VCL: variants seen among roughly 807,000 people sequenced by gnomAD.
VCL encodes the protein vinculin.
A neutral mutation model predicts 125.7 loss-of-function variants in VCL; 47 were observed. The ratio of observed to expected loss-of-function variants is 0.37; its 90% CI spans 0.30 to 0.48. VCL has a LOEUF of 0.48. Ranked by LOEUF, VCL falls within the 20% of genes least tolerant of loss-of-function variation. The probability of loss-of-function intolerance (pLI) is 0.99; values close to 1 mark genes in which losing one functional copy is unlikely to be tolerated. For synonymous variants in VCL, 458 were observed against 514.6 expected (o/e 0.89, Z 1.49); for missense variants, 1,069 against 1,455.5 (o/e 0.73, Z 4.32).
At chr10:74,069,914 A>G (rs1841636967) in intron 2 of VCL, among the ~76,000 whole-genome samples, 1 of 152,182 alleles carries the variant, frequency 6.6e-6, no homozygotes, top group South Asian at 2.1e-4. Flanking sequence ...GGTTACTTAT[A>G]TTAATATTAA....
chr10:74,069,718 G>T (rs187768298), intron 2 of VCL, among the ~76,000 whole-genome samples: 1 of 152,304 alleles, frequency 6.6e-6, no homozygotes, highest in East Asian at 1.9e-4. Context: ...TTGAATATGA[G>T]ACTAGAGGAG....
At position 74,105,056 on chromosome 10, in the gene VCL, G is replaced by A. The variant is rs374737519; in HGVS notation, c.2137G>A (p.Val713Met). Reference sequence around the variant, plus strand: ...CATTTCTGTTTTCCTAACAGGGCTGGTGGACGAAGCCATTGATACCAAATC... The same window carrying A: ...CATTTCTGTTTTCCTAACAGGGCTGATGGACGAAGCCATTGATACCAAATC... ...IDNVEKMTGLVDEAIDTKSLL... is the reference protein window; with the variant it reads ...IDNVEKMTGLMDEAIDTKSLL... Residue 713 changes from valine (V) to methionine (M), a missense_variant, in exon 16 of 22, where the codon GTG (valine) becomes ATG (methionine). Val to Met is a conservative substitution (Grantham distance 21). Transcript: ENST00000211998. 6.2e-7 allele frequency: 1 copy of A among 1,614,176 alleles called. No homozygotes were observed. Among genetic ancestry groups the A allele is most frequent in the Non-Finnish European group, 8.5e-7 (1 of 1,180,020 alleles).
intron 21 of VCL, among the ~76,000 whole-genome samples, chr10:74,117,651 C>T (rs1045116236): frequency 6.6e-6 from 1 of 152,030 alleles, no homozygotes; most frequent in African/African-American, 2.4e-5. Context: ...GACCCCATCT[C>T]AAAAAAAGAA....
In VCL at chr10:74,089,280, T is replaced by C; in HGVS notation, c.1107T>C (p.Asn369=). The change falls in exon 9 of 22, where the codon AAT becomes AAC. Residue 369 remains asparagine, a synonymous_variant. Transcript: ENST00000211998. ...ATGTGCTCACAGCAAAAGTGGAAAA[T>C]GCAGCTCGCAAGCTGGAAGCCATGA... ...GLDVLTAKVE[N]AARKLEAMTN... The C allele has an allele frequency of 6.2e-7, 1 of 1,614,058 alleles. No individual in the cohort carries two copies. The highest frequency in any genetic ancestry group is 1.1e-5 in the South Asian group (1 of 91,072).
chr10:73,998,517 C>A (rs1840160711), intron 1 of VCL, 142 bp downstream of exon 1: 1 of 828,156 alleles, frequency 1.2e-6, no homozygotes, highest in Non-Finnish European at 1.6e-6. Context: ...GTTCGAATGG[C>A]CTCTTCTCCG....
chr10:74,115,029 CTG>C (rs1415508873), intron 21 of VCL, 130 bp downstream of exon 21: 1 of 930,602 alleles, frequency 1.1e-6, no homozygotes, highest in Non-Finnish European at 1.7e-6. Flanking sequence ...TGCACTCAGA[CTG>C]TCTCAGGAGG....
In VCL at chr10:74,094,273, G is replaced by T. The variant is rs755499383; in HGVS notation, c.1355G>T (p.Gly452Val). The change falls in exon 11 of 22, where the codon GGG becomes GTG. Residue 452 changes from glycine to valine, a missense_variant and splice_region_variant. Coordinates refer to ENST00000211998, the MANE Select transcript of VCL (RefSeq NM_014000.3). ...TSKLADLRRQ[G>V]KGDSPEARAL... is the part of the protein sequence containing the mutation. ...GATGGCTGTCTTTTTCTCTGTAGGG[G>T]GAAAGGAGATTCTCCAGAGGCTCGA... The T allele has an allele frequency of 6.2e-7, 1 of 1,614,096 alleles. No homozygotes were observed. Among genetic ancestry groups the T allele is most frequent in the South Asian group, 1.1e-5 (1 of 91,078 alleles).
At chr10:74,102,700 A>G (rs1390350668) in intron 14 of VCL, among the ~76,000 whole-genome samples, 1 of 152,222 alleles carries the variant, frequency 6.6e-6, no homozygotes, top group Non-Finnish European at 1.5e-5. Flanking sequence ...CATAAGCTAC[A>G]AACATGTCTA....
chr10:74,051,957 C>T (rs1000111573), intron 2 of VCL, among the ~76,000 whole-genome samples: 2 of 152,124 alleles, frequency 1.3e-5, no homozygotes, highest in African/African-American at 2.4e-5. Flanking sequence ...CTAGAGGCAG[C>T]GTGCCCAGAG....
intron 14 of VCL, 37 bp downstream of exon 14, chr10:74,101,134 A>G (rs1440089694): frequency 6.2e-7 from 1 of 1,603,674 alleles, no homozygotes; most frequent in African/African-American, 1.3e-5. Flanking sequence ...GTGTTCAGTA[A>G]AGAAAGTTAA....
chr10:74,108,150 G>A (rs1297351161), intron 17 of VCL, among the ~76,000 whole-genome samples: 4 of 152,184 alleles, frequency 2.6e-5, no homozygotes, highest in Non-Finnish European at 5.9e-5. Flanking sequence ...AGCCTTCAAC[G>A]CATCTTAGAT....
chr10:74,090,309 C>T (rs1040612956), intron 10 of VCL, 111 bp downstream of exon 10: 1 of 1,267,158 alleles, frequency 7.9e-7, no homozygotes, highest in African/African-American at 1.5e-5. Flanking sequence ...TTTCAATTCC[C>T]CTAGGTTAAA....
intron 2 of VCL, among the ~76,000 whole-genome samples, chr10:74,047,170 G>A (rs1204872421): frequency 2.0e-5 from 3 of 152,146 alleles, no homozygotes; most frequent in Admixed American, 6.6e-5. Context: ...GGTGGCTCAC[G>A]CCTGTAATCC....
chr10:74,025,298 T>A (rs1028637766), intron 1 of VCL, among the ~76,000 whole-genome samples: 2 of 152,042 alleles, frequency 1.3e-5, no homozygotes, highest in Non-Finnish European at 2.9e-5. Flanking sequence ...AATACAGGCG[T>A]AGCCATGGTG....
rs557043423 is a variant in VCL at position 74,077,612 on chromosome 10, C to A, written c.783+2709C>A. The A allele has an allele frequency of 1.8e-3, 696 of 376,724 alleles. 1 individual carries two copies. The highest frequency in any genetic ancestry group is 2.9e-3 in the Admixed American group (94 of 31,966). 23.3% of individuals were successfully genotyped at this position (376,724 alleles called of 1,614,324 possible). On this transcript the variant is annotated intron_variant, in intron 6 of 21. Coordinates refer to ENST00000211998, the MANE Select transcript of VCL (RefSeq NM_014000.3). Reference sequence around the variant, plus strand: ...TGCTGGGTTCCCATTCTGTTTAATGCATACAGTGTCTTTCACCTCTTCTCG... The same window carrying A: ...TGCTGGGTTCCCATTCTGTTTAATGAATACAGTGTCTTTCACCTCTTCTCG...
Position 74,112,051 on chromosome 10 carries a change from A to G in VCL, c.2888A>G (p.Asn963Ser). Reference protein sequence around the residue: ...LLLMPSNQPVNQPILAAAQSL... With the variant: ...LLLMPSNQPVSQPILAAAQSL... ...TTAATGCCATCCAATCAGCCGGTCA[A>G]CCAGCCCATTCTGGCCGCGGCTCAG... Residue 963 changes from asparagine to serine, a missense_variant, in exon 19 of 22, where the codon AAC becomes AGC. Physicochemically the swap from Asn to Ser is conservative, Grantham distance 46. This residue lies in a region of VCL where 86 missense variants were observed against 91.0 expected (regional missense o/e 0.95). Transcript: ENST00000211998. 1 of 1,614,192 alleles carries G rather than the reference A, an allele frequency of 6.2e-7. No individual in the cohort carries two copies. The highest frequency in any genetic ancestry group is 1.1e-5 in the South Asian group (1 of 91,088).
intron 1 of VCL, among the ~76,000 whole-genome samples, chr10:74,037,571 T>C (rs1027757225): frequency 3.3e-5 from 5 of 152,206 alleles, no homozygotes; most frequent in African/African-American, 2.4e-5. Context: ...GCATACAAAG[T>C]CCTGAACTAA....
In VCL at chr10:74,089,214, G is replaced by A. The variant is rs373079313; in HGVS notation, c.1041G>A (p.Pro347=). The A allele has an allele frequency of 5.0e-6, 8 of 1,614,018 alleles. No individual in the cohort carries two copies. The highest frequency in any genetic ancestry group is 2.2e-5 in the East Asian group (1 of 44,878). Reference sequence around the variant, plus strand: ...TGAGCAGAGGACAAGGATCCTCACCGGTGGCCATGCAGAAAGCTCAGCAGG... The same window carrying A: ...TGAGCAGAGGACAAGGATCCTCACCAGTGGCCATGCAGAAAGCTCAGCAGG... The part of the protein sequence containing the change: ...DLRARGQGSS[P]VAMQKAQQVS... The change falls in exon 9 of 22, where the codon CCG becomes CCA. Residue 347 remains proline (P), a synonymous_variant. Transcript: ENST00000211998.
rs2131918743 is a variant in VCL at position 74,097,522 on chromosome 10, GT to G, written c.1872+192del. On this transcript the variant is annotated intron_variant, in intron 13 of 21. Coordinates refer to ENST00000211998, the MANE Select transcript of VCL (RefSeq NM_014000.3). The surrounding 1 kb of genome is among the most constrained non-coding windows in gnomAD (Gnocchi z 4.1). ...CGTATATCAGTGAGGAATATCTTTA[GT>G]TGCAAGCAATAGAAGACCTGACCAT... 6.6e-6 allele frequency among the ~76,000 whole-genome samples: 1 copy of G among 152,310 alleles called. No homozygotes were observed. Among genetic ancestry groups the G allele is most frequent in the African/African-American group, 2.4e-5 (1 of 41,564 alleles).
Sources: allele counts gnomAD v4.1 joint callset (sites outside exome capture counted in the v4.1 genomes callset), GRCh38; gene constraint gnomAD v4.1.1; regional missense constraint gnomAD v4.1.1; non-coding constraint Gnocchi (gnomAD v3.1); transcripts MANE v1.5; gene names NCBI Gene and HGNC (gene_info 2026-07-23, HGNC 2026-07-21).